The following DOK4 variants were observed in gnomAD, a reference collection of about 807,000 sequenced individuals.
DOK4 encodes the protein docking protein 4, also known as downstream of tyrosine kinase 4.
Under a neutral mutation model 40.1 loss-of-function variants are expected in DOK4, and 26 were observed. The ratio of observed to expected loss-of-function variants is 0.65; its 90% CI spans 0.48 to 0.90. The LOEUF is 0.90. DOK4 is among the 40% of genes least tolerant of loss of function. DOK4 has a pLI of 0.00. For missense variants in DOK4, 392 were observed against 437.2 expected (o/e 0.90, Z 0.92); for synonymous variants, 179 against 177.0 (o/e 1.01, Z -0.09).
chr16:57,486,133 T>A (rs1196762830), intron 1 of DOK4, among the ~76,000 whole-genome samples, 172 bp downstream of exon 1: 2 of 151,830 alleles, frequency 1.3e-5, no homozygotes, highest in Non-Finnish European at 2.9e-5. Flanking sequence ...AGGCACTGGC[T>A]TTTGGGGGGC....
At chr16:57,484,075 C>A (rs555000509) in intron 1 of DOK4, 30 of 152,380 alleles carry the variant, frequency 2.0e-4, no homozygotes, top group Admixed American at 5.9e-4. Context: ...CTCCCAGGGC[C>A]CTCACTGCCC....
At chr16:57,482,489 C>T (rs1326120255) in intron 1 of DOK4, among the ~76,000 whole-genome samples, 1 of 151,220 alleles carries the variant, frequency 6.6e-6, no homozygotes, top group East Asian at 2.0e-4. Context: ...TCCTCAGCCT[C>T]CCGAGTAGCT....
At chr16:57,486,145 G>A (rs1276136778) in intron 1 of DOK4, among the ~76,000 whole-genome samples, 160 bp downstream of exon 1, 1 of 151,960 alleles carries the variant, frequency 6.6e-6, no homozygotes, top group East Asian at 1.9e-4. Flanking sequence ...TTGGGGGGCG[G>A]GTCTCTAAGC....
chr16:57,486,090 C>A (rs1447929000), intron 1 of DOK4, among the ~76,000 whole-genome samples: 1 of 151,950 alleles, frequency 6.6e-6, no homozygotes, highest in African/African-American at 2.4e-5. Context: ...AGGAAAGCTG[C>A]GGGTGGAGAG....
exon 3 of DOK4, chr16:57,475,873 C>T (rs1019068844): frequency 8.7e-6 from 14 of 1,613,266 alleles, no homozygotes; most frequent in Non-Finnish European, 1.2e-5. Context: ...CGGAGGCACA[C>T]CGACTTCTCA....
chr16:57,486,033 T>C (rs1389290003), intron 1 of DOK4, among the ~76,000 whole-genome samples: 2 of 151,524 alleles, frequency 1.3e-5, no homozygotes, highest in African/African-American at 4.9e-5. Flanking sequence ...GGATGAGGTT[T>C]GTGTGGGTGC....
intron 7 of DOK4, 37 bp from the exon 8 acceptor site, chr16:57,473,773 C>T: frequency 6.3e-7 from 1 of 1,592,992 alleles, no homozygotes; most frequent in Non-Finnish European, 8.6e-7. Flanking sequence ...CCATTAGTGG[C>T]TTACAGTATC....
At position 57,485,869 on chromosome 16, in the gene DOK4, G is replaced by T. The variant is rs1443602489; in HGVS notation, c.-182+436C>A. Among the ~76,000 whole-genome samples the T allele has an allele frequency of 6.6e-6, 1 of 152,200 alleles. No individual in the cohort carries two copies. The highest frequency in any genetic ancestry group is 2.4e-5 in the African/African-American group (1 of 41,448). On this transcript the variant is annotated intron_variant, in intron 1 of 8. Coordinates refer to ENST00000340099, the Ensembl canonical transcript of DOK4. The surrounding 1 kb of genome is among the most constrained non-coding windows in gnomAD (Gnocchi z 4.3). ...GGGTCGGCAGTGGGGGCCAGCTGGG[G>T]TACAGAAAATCATCTCTTGGAATTT...
exon 6 of DOK4, chr16:57,474,854 G>A: frequency 1.9e-6 from 3 of 1,614,178 alleles, no homozygotes; most frequent in Middle Eastern, 1.6e-4. Context: ...GAGCAGAGGG[G>A]CCACGAGACG....
intron 2 of DOK4, among the ~76,000 whole-genome samples, chr16:57,478,927 G>A (rs566949701): frequency 3.7e-4 from 57 of 152,154 alleles, no homozygotes; most frequent in African/African-American, 1.3e-3. Context: ...CATTAAACTC[G>A]ACAACCAAAA....
At chr16:57,472,374 C>A (rs1332946879) in exon 9 of DOK4, 2 of 152,702 alleles carry the variant, frequency 1.3e-5, no homozygotes, top group African/African-American at 2.4e-5. Flanking sequence ...TCAACAAATA[C>A]CAGCACTAGA....
rs2031339254 is a variant in DOK4, at chr16:57,479,563, C to T, written c.-56G>A. 1.1e-5 allele frequency: 17 copies of T among 1,597,714 alleles called. No homozygotes were observed. Among genetic ancestry groups the T allele is most frequent in the Non-Finnish European group, 1.5e-5 (17 of 1,169,422 alleles). ...TGGCAGAGGCGAGGGGAAGGATGCC[C>T]AGGTGCCTGGGTCTCCGGCTCCTCC... On this transcript the variant is annotated 5_prime_UTR_variant, in exon 2 of 9. Transcript: ENST00000340099. This position sits in a 1 kb window ranked among gnomAD's most constrained non-coding sequence, Gnocchi z 5.8.
At chr16:57,477,509 G>A (rs184335666) in intron 2 of DOK4, among the ~76,000 whole-genome samples, 2 of 152,352 alleles carry the variant, frequency 1.3e-5, no homozygotes, top group African/African-American at 4.8e-5. Flanking sequence ...GATGGATGCT[G>A]CCGACCCAGA....
intron 7 of DOK4, 50 bp downstream of exon 7, chr16:57,473,851 C>G (rs374269329): frequency 6.3e-7 from 1 of 1,587,902 alleles, no homozygotes; most frequent in Non-Finnish European, 8.6e-7. Context: ...CCTGCCTGCC[C>G]GCCCGTTCCC....
chr16:57,476,030 C>A, intron 2 of DOK4, 73 bp from the exon 3 acceptor site: 3 of 1,313,066 alleles, frequency 2.3e-6, no homozygotes, highest in South Asian at 1.2e-5. Flanking sequence ...CTGCAGCCAC[C>A]CCTGCCTGCC....
chr16:57,473,152 T>C (rs1598047435), exon 9 of DOK4: 1 of 584,294 alleles, frequency 1.7e-6, no homozygotes, highest in Non-Finnish European at 3.0e-6. Flanking sequence ...TTAAAATCAT[T>C]AACAGTATAT....
At chr16:57,475,073 AC>A (rs765067407) in intron 5 of DOK4, 26 bp downstream of exon 5, 5 of 1,500,096 alleles carry the variant, frequency 3.3e-6, no homozygotes, top group Non-Finnish European at 4.5e-6. Context: ...CCCCCTCCCC[AC>A]CCCCAGGGCC....
intron 2 of DOK4, among the ~76,000 whole-genome samples, chr16:57,477,546 C>T (rs1424372345): frequency 6.6e-6 from 1 of 152,242 alleles, no homozygotes; most frequent in East Asian, 1.9e-4. Context: ...GGGCTCCATG[C>T]AGCCCGCAGC....
intron 6 of DOK4, 195 bp downstream of exon 6, chr16:57,474,598 C>G: frequency 1.4e-6 from 1 of 711,578 alleles, no homozygotes; most frequent in Non-Finnish European, 2.3e-6. Flanking sequence ...TTCACTTGAC[C>G]TGCATGCTGT....
Sources: allele counts gnomAD v4.1 joint callset (sites outside exome capture counted in the v4.1 genomes callset), GRCh38; gene constraint gnomAD v4.1.1; non-coding constraint Gnocchi (gnomAD v3.1); transcripts MANE v1.5; gene names NCBI Gene and HGNC (gene_info 2026-07-23, HGNC 2026-07-21).